The following ZDHHC21 variants were observed in gnomAD, a reference collection of about 807,000 sequenced individuals.
The protein encoded by ZDHHC21 is zDHHC palmitoyltransferase 21, also known as palmitoyltransferase ZDHHC21.
In ZDHHC21, 15 loss-of-function variants were observed where a neutral mutation model predicts 34.6. That is an observed-to-expected ratio of 0.43 (90% confidence interval 0.29 to 0.67). The LOEUF (loss-of-function observed/expected upper bound fraction) is 0.67. Ranked by LOEUF, ZDHHC21 falls within the 30% of genes least tolerant of loss-of-function variation. The probability of loss-of-function intolerance (pLI) is 0.14; values close to 1 mark genes in which losing one functional copy is unlikely to be tolerated. For missense variants in ZDHHC21, 344 were observed against 327.7 expected (o/e 1.05, Z -0.38); for synonymous variants, 142 against 101.8 (o/e 1.40, Z -2.38).
intron 8 of ZDHHC21, among the ~76,000 whole-genome samples, chr9:14,625,239 A>G (rs2133499213): frequency 6.6e-6 from 1 of 152,180 alleles, no homozygotes; most frequent in Admixed American, 6.5e-5. Flanking sequence ...CAAAAGAGGG[A>G]AATGTCCTGT....
intron 1 of ZDHHC21, 99 bp downstream of exon 1, chr9:14,693,130 G>A (rs547941445): frequency 5.2e-4 from 111 of 212,660 alleles, no homozygotes; most frequent in African/African-American, 2.5e-3. Context: ...AGCGGCGGGC[G>A]GGCCCGGCAG....
At chr9:14,669,597 AC>A (rs1416460983) in intron 5 of ZDHHC21, among the ~76,000 whole-genome samples, 1 of 146,490 alleles carries the variant, frequency 6.8e-6, no homozygotes, top group Non-Finnish European at 1.5e-5. Flanking sequence ...AAGACTTGGA[AC>A]CAACCCAAAT....
chr9:14,639,025 AC>A (rs751177073), intron 8 of ZDHHC21, among the ~76,000 whole-genome samples: 54 of 152,110 alleles, frequency 3.6e-4, no homozygotes, highest in Non-Finnish European at 4.9e-4. Context: ...AGGAAAAAAA[AC>A]AATCAGTATA....
intron 3 of ZDHHC21, among the ~76,000 whole-genome samples, chr9:14,678,905 G>A (rs768086203): frequency 6.6e-6 from 1 of 152,004 alleles, no homozygotes; most frequent in Non-Finnish European, 1.5e-5. Context: ...ACATACTGCT[G>A]AGTGAATAAA....
rs956233328 is a variant in ZDHHC21, at chr9:14,666,693, T to C, written c.254-4367A>G. Among the ~76,000 whole-genome samples, 7 of 101,644 alleles carry C rather than the reference T, an allele frequency of 6.9e-5. 1 individual carries two copies. The highest frequency in any genetic ancestry group is 2.3e-4 in the African/African-American group (7 of 30,376). The allele number at this position is 101,644 out of a possible 152,430, so 66.7% of individuals were successfully genotyped here. A position where few individuals can be genotyped will look rare whatever the true frequency, so the allele number is the denominator to read the frequency against. ...TCAAACTAGAACTCAGGATTAAGAATCCCACTCAAAGCCGCTCAACTACAT... is the reference window on the plus strand; with the variant it reads ...TCAAACTAGAACTCAGGATTAAGAACCCCACTCAAAGCCGCTCAACTACAT... On this transcript the variant is annotated intron_variant, in intron 5 of 9. Coordinates refer to ENST00000380916, the MANE Select transcript of ZDHHC21 (RefSeq NM_178566.6).
At chr9:14,594,918 T>TA in the ZDHHC21 span, among the ~76,000 whole-genome samples, 1 of 152,116 alleles carries the variant, frequency 6.6e-6, no homozygotes, top group Non-Finnish European at 1.5e-5. Flanking sequence ...AACATACACA[T>TA]AAAAATACGT....
chr9:14,601,324 A>G, the ZDHHC21 span, among the ~76,000 whole-genome samples: 7 of 152,338 alleles, frequency 4.6e-5, no homozygotes, highest in Non-Finnish European at 8.8e-5. Flanking sequence ...ACCCCATCAA[A>G]AAGTGTGCAA....
intron 8 of ZDHHC21, among the ~76,000 whole-genome samples, chr9:14,623,708 T>C (rs763214543): frequency 4.8e-5 from 7 of 146,942 alleles, no homozygotes; most frequent in Non-Finnish European, 1.1e-4. Context: ...GAAAAGATTA[T>C]AGAAATGACC....
At chr9:14,636,183 C>G (rs1828273131) in intron 8 of ZDHHC21, among the ~76,000 whole-genome samples, 1 of 152,080 alleles carries the variant, frequency 6.6e-6, no homozygotes, top group Admixed American at 6.6e-5. Flanking sequence ...TTCATCTCAC[C>G]TGTAAAGACA....
chr9:14,658,464 C>CTTTTTTTTTTTTT (rs769819264), intron 7 of ZDHHC21, among the ~76,000 whole-genome samples: 2 of 65,376 alleles, frequency 3.1e-5, no homozygotes, highest in African/African-American at 6.2e-5. Flanking sequence ...ATAAACATTT[C>CTTTTTTTTTTTTT]TTTTTTTTTT....
At chr9:14,661,898 T>C (rs887215826) in intron 6 of ZDHHC21, among the ~76,000 whole-genome samples, 1 of 152,218 alleles carries the variant, frequency 6.6e-6, no homozygotes, top group African/African-American at 2.4e-5. Flanking sequence ...AAGTACATCC[T>C]ACTTGTCAGA....
intron 8 of ZDHHC21, among the ~76,000 whole-genome samples, chr9:14,626,010 T>C (rs1201987236): frequency 2.0e-5 from 3 of 151,984 alleles, no homozygotes; most frequent in Admixed American, 6.6e-5. Context: ...GATGATTATA[T>C]ACAATAATGT....
chr9:14,658,203 C>T (rs943430345), intron 7 of ZDHHC21, among the ~76,000 whole-genome samples: 1 of 152,068 alleles, frequency 6.6e-6, no homozygotes, highest in Non-Finnish European at 1.5e-5. Flanking sequence ...CCAAGACACA[C>T]GTATTGAAAG....
At chr9:14,608,636 AT>A (rs530718134), downstream of ZDHHC21, among the ~76,000 whole-genome samples, 21 of 151,740 alleles carry the variant, frequency 1.4e-4, no homozygotes, top group East Asian at 4.1e-3. Context: ...TGATACAAAT[AT>A]TTTTTTAAGT....
chr9:14,658,088 A>T (rs1157737694), intron 7 of ZDHHC21, among the ~76,000 whole-genome samples: 1 of 152,204 alleles, frequency 6.6e-6, no homozygotes, highest in African/African-American at 2.4e-5. Context: ...TTTCTCAAGA[A>T]CGTAACTATT....
intron 8 of ZDHHC21, among the ~76,000 whole-genome samples, chr9:14,629,666 A>C (rs945463855): frequency 6.6e-6 from 1 of 152,152 alleles, no homozygotes. Context: ...CTTCAGGGAG[A>C]TGTAATATTT....
chr9:14,669,726 T>C (rs868195005), intron 5 of ZDHHC21, among the ~76,000 whole-genome samples: 6,200 of 148,766 alleles, frequency 0.042, 400 homozygotes, highest in African/African-American at 0.15. Flanking sequence ...AAATTGGAAA[T>C]CATCATTCTC....
chr9:14,604,601 A>C, the ZDHHC21 span, among the ~76,000 whole-genome samples: 1 of 152,204 alleles, frequency 6.6e-6, no homozygotes, highest in Non-Finnish European at 1.5e-5. Context: ...AAAACTGAAA[A>C]AAGCAAAACA....
intron 5 of ZDHHC21, among the ~76,000 whole-genome samples, chr9:14,665,297 A>C (rs1237750353): frequency 7.4e-6 from 1 of 135,968 alleles, no homozygotes; most frequent in Non-Finnish European, 1.6e-5. Flanking sequence ...AAGTTTAGAG[A>C]AAAAAGAATA....
Sources: allele counts gnomAD v4.1 joint callset (sites outside exome capture counted in the v4.1 genomes callset), GRCh38; gene constraint gnomAD v4.1.1; transcripts MANE v1.5; gene names NCBI Gene and HGNC (gene_info 2026-07-23, HGNC 2026-07-21).